The following GRK5 variants were observed in gnomAD, a reference collection of about 807,000 sequenced individuals.
GRK5 encodes the protein G protein-coupled receptor kinase 5.
In GRK5, 40 loss-of-function variants were observed where a neutral mutation model predicts 78.4. The ratio of observed to expected loss-of-function variants is 0.51; its 90% CI spans 0.40 to 0.66. The LOEUF is 0.66. Ranked by LOEUF, GRK5 falls within the 30% of genes least tolerant of loss-of-function variation. The pLI is 0.00. For missense variants in GRK5, 598 were observed against 759.9 expected (o/e 0.79, Z 2.50); for synonymous variants, 289 against 296.8 (o/e 0.97, Z 0.27).
chr10:119,290,359 A>AAAAAAAAAAAAAAACAAAAC (rs1554903184), intron 1 of GRK5, among the ~76,000 whole-genome samples: 1 of 142,476 alleles, frequency 7.0e-6, no homozygotes, highest in African/African-American at 2.7e-5. Flanking sequence ...AAAAAAAAAA[A>AAAAAAAAAAAAAAACAAAAC]AAAACAAAAA....
At chr10:119,302,016 C>T (rs1850191178) in intron 1 of GRK5, among the ~76,000 whole-genome samples, 1 of 152,170 alleles carries the variant, frequency 6.6e-6, no homozygotes, top group Non-Finnish European at 1.5e-5. Flanking sequence ...TATGAAAATA[C>T]CAAGCAATGA....
At chr10:119,419,114 C>T (rs1040722099) in intron 4 of GRK5, among the ~76,000 whole-genome samples, 2 of 152,170 alleles carry the variant, frequency 1.3e-5, no homozygotes, top group Non-Finnish European at 2.9e-5. Flanking sequence ...TAGGGTTCCC[C>T]CCTCTCCCTT....
intron 1 of GRK5, among the ~76,000 whole-genome samples, chr10:119,285,004 A>G (rs1178385454): frequency 1.3e-5 from 2 of 152,070 alleles, no homozygotes; most frequent in Non-Finnish European, 2.9e-5. Context: ...CTGTTGCAAC[A>G]CTCCCGGAGC....
rs58171371 is a variant in GRK5 at position 119,253,847 on chromosome 10, G to GGTGTGTGT, written c.52+45897_52+45904dup. 2.9e-4 allele frequency among the ~76,000 whole-genome samples: 44 copies of GGTGTGTGT among 150,372 alleles called. No individual in the cohort carries two copies. Among genetic ancestry groups the GGTGTGTGT allele is most frequent in the African/African-American group, 9.8e-4 (40 of 40,938 alleles). ...GTTCCTGGTGGTTCTTTGCCCCAGG[G>GGTGTGTGT]GTGTGTGTGTGTGTGTGTGTGTGTG... is the stretch of plus-strand genomic sequence containing the variant. On this transcript the variant is annotated intron_variant, in intron 1 of 15. Transcript: ENST00000392870. The surrounding 1 kb of genome is among the most constrained non-coding windows in gnomAD (Gnocchi z 5.7).
intron 2 of GRK5, among the ~76,000 whole-genome samples, chr10:119,329,099 C>A (rs1850725303): frequency 6.6e-6 from 1 of 152,170 alleles, no homozygotes; most frequent in African/African-American, 2.4e-5. Context: ...TGTAAGTGAC[C>A]ACTCAACTTA....
At chr10:119,322,183 G>A (rs1408908517) in intron 1 of GRK5, among the ~76,000 whole-genome samples, 2 of 152,100 alleles carry the variant, frequency 1.3e-5, no homozygotes, top group Non-Finnish European at 2.9e-5. Flanking sequence ...AAACTCCTGG[G>A]CTCAAGCAAT....
At chr10:119,387,573 A>G (rs1368155061) in intron 3 of GRK5, among the ~76,000 whole-genome samples, 1 of 152,194 alleles carries the variant, frequency 6.6e-6, no homozygotes, top group Non-Finnish European at 1.5e-5. Context: ...AAGGGCAAAG[A>G]GTTTGCCCAG....
At chr10:119,345,365 A>C (rs1851073967) in intron 2 of GRK5, among the ~76,000 whole-genome samples, 1 of 152,168 alleles carries the variant, frequency 6.6e-6, no homozygotes, top group South Asian at 2.1e-4. Context: ...ATCCAGCTGC[A>C]GTGTTAACTT....
intron 1 of GRK5, among the ~76,000 whole-genome samples, chr10:119,229,129 G>C (rs551625237): frequency 6.6e-6 from 1 of 152,194 alleles, no homozygotes; most frequent in South Asian, 2.1e-4. Context: ...TGTTAGGCTT[G>C]ATGCGTAAAG....
intron 1 of GRK5, among the ~76,000 whole-genome samples, chr10:119,224,432 G>A (rs143109920): frequency 0.021 from 3,183 of 151,510 alleles, 77 homozygotes; most frequent in South Asian, 0.061. Context: ...TTATTGAGAC[G>A]GAGTGTTGCT....
intron 1 of GRK5, among the ~76,000 whole-genome samples, chr10:119,289,670 C>G (rs536520552): frequency 6.6e-6 from 1 of 152,192 alleles, no homozygotes; most frequent in Non-Finnish European, 1.5e-5. Flanking sequence ...TCTTTGTGCA[C>G]GGGCCTCCCG....
chr10:119,305,949 C>A lies in GRK5; in HGVS notation c.53-20567C>A, dbSNP rs10787948. Among the ~76,000 whole-genome samples the A allele has an allele frequency of 2.5e-4, 38 of 152,026 alleles. 2 individuals are homozygous for A. In the South Asian group the frequency reaches 2.7e-3, roughly 11 times the overall value. On this transcript the variant is annotated intron_variant, in intron 1 of 15. Transcript: ENST00000392870. ...TAACTCCCAGTGAGGAAGCAGGTGA[C>A]GGCCTGACCACTGTACTTCCGGTAT...
chr10:119,439,617 G>A, intron 9 of GRK5, 114 bp from the exon 10 acceptor site: 1 of 865,550 alleles, frequency 1.2e-6, no homozygotes, highest in South Asian at 1.5e-5. Context: ...GAGGTGGGAA[G>A]GAAACACACT....
intron 1 of GRK5, among the ~76,000 whole-genome samples, chr10:119,265,487 A>G (rs945596513): frequency 2.1e-4 from 32 of 152,254 alleles, no homozygotes; most frequent in African/African-American, 7.7e-4. Context: ...TGCCTTTAGA[A>G]GAAGAAGAAG....
intron 5 of GRK5, among the ~76,000 whole-genome samples, chr10:119,423,515 G>A (rs532452887): frequency 2.0e-5 from 3 of 152,350 alleles, no homozygotes; most frequent in Admixed American, 6.5e-5. Context: ...ACAGAGGAAT[G>A]TGCAAACATT....
intron 3 of GRK5, among the ~76,000 whole-genome samples, chr10:119,391,630 C>T (rs561288301): frequency 1.6e-3 from 251 of 152,228 alleles, no homozygotes; most frequent in African/African-American, 5.8e-3. Context: ...CGGGAGCCTG[C>T]GGTGCCCAGG....
At chr10:119,320,257 G>T (rs1165805286) in intron 1 of GRK5, among the ~76,000 whole-genome samples, 1 of 152,240 alleles carries the variant, frequency 6.6e-6, no homozygotes, top group Non-Finnish European at 1.5e-5. Context: ...GGACCAAGAA[G>T]AAGGTGACAG....
rs563512598 is a variant in GRK5, at chr10:119,395,003, A to T, written c.262-1692A>T. 3.3e-5 allele frequency among the ~76,000 whole-genome samples: 5 copies of T among 151,214 alleles called. No individual in the cohort carries two copies. In the East Asian group the frequency reaches 1.0e-3, roughly 31 times the overall value. ...AGAAGTGCCCAGTCCCTCAAGGCTC[A>T]TCTTGATGTGGAAGAGGAGTTGACC... On this transcript the variant is annotated intron_variant, in intron 3 of 15. Coordinates refer to ENST00000392870, the MANE Select transcript of GRK5 (RefSeq NM_005308.3).
chr10:119,218,430 G>T (rs2133705439), intron 1 of GRK5, among the ~76,000 whole-genome samples: 1 of 152,294 alleles, frequency 6.6e-6, no homozygotes, highest in East Asian at 1.9e-4. Context: ...ATTTGAAAAT[G>T]GAATTCCATC....
Sources: gnomAD v4.1 joint callset for allele counts (sites outside exome capture counted in the v4.1 genomes callset) on GRCh38, gnomAD v4.1.1 for gene constraint, Gnocchi (gnomAD v3.1) non-coding constraint, MANE v1.5 for transcripts, NCBI Gene and HGNC (gene_info 2026-07-23, HGNC 2026-07-21) for gene names.